WDR89: variants seen among roughly 807,000 people sequenced by gnomAD.
WDR89 encodes WD repeat-containing protein 89.
WDR89 carries 17 observed loss-of-function variants against 29.1 expected under a neutral mutation model. The ratio of observed to expected loss-of-function variants is 0.58; its 90% CI spans 0.40 to 0.88. The LOEUF is 0.88. Ranked by LOEUF, WDR89 falls within the 40% of genes least tolerant of loss-of-function variation. The probability of loss-of-function intolerance (pLI) is 0.00; values close to 1 mark genes in which losing one functional copy is unlikely to be tolerated. For missense variants in WDR89, 396 were observed against 456.3 expected (o/e 0.87, Z 1.20); for synonymous variants, 138 against 157.8 (o/e 0.87, Z 0.94).
intron 2 of WDR89, 75 bp from the exon 3 acceptor site, chr14:63,600,048 G>T (rs1209455097): frequency 3.3e-6 from 3 of 910,230 alleles, no homozygotes; most frequent in Non-Finnish European, 4.5e-6. Flanking sequence ...TTAACTTGAA[G>T]TTTCTCTAAA....
intron 2 of WDR89, among the ~76,000 whole-genome samples, chr14:63,611,266 G>A (rs1264968893): frequency 6.6e-6 from 1 of 150,580 alleles, no homozygotes; most frequent in Non-Finnish European, 1.5e-5. Flanking sequence ...GAACCCAGGA[G>A]GCGGAGGTTG....
At chr14:63,641,736 G>C (rs8018382) in intron 1 of WDR89, 68 bp downstream of exon 1, 17,278 of 152,770 alleles carry the variant, frequency 0.11, 2,253 homozygotes, top group African/African-American at 0.32. Flanking sequence ...ACTCAACCAC[G>C]GCGTCGCCGC....
At chr14:63,605,152 GTC>G (rs746030363) in intron 2 of WDR89, among the ~76,000 whole-genome samples, 3,856 of 137,778 alleles carry the variant, frequency 0.028, 151 homozygotes, top group African/African-American at 0.11. Flanking sequence ...CGTGCTGTCT[GTC>G]TCTCTCTCTC....
chr14:63,628,660 A>G (rs1883215979), intron 1 of WDR89, among the ~76,000 whole-genome samples: 1 of 152,172 alleles, frequency 6.6e-6, no homozygotes, highest in Non-Finnish European at 1.5e-5. Flanking sequence ...AGAAAAAGAA[A>G]AAAATAATAA....
chr14:63,625,778 T>TA (rs1204033099), intron 1 of WDR89, among the ~76,000 whole-genome samples: 1 of 152,090 alleles, frequency 6.6e-6, no homozygotes, highest in Non-Finnish European at 1.5e-5. Context: ...AGTGCTATTT[T>TA]AACTGCTCAT....
chr14:63,599,598 G>A lies in WDR89; in HGVS notation c.345C>T (p.Ser115=), dbSNP rs750821533. ...KPVQLFKGYP[S]NIFISFDINC... is the part of the protein sequence containing the mutation. ...TAATATCAAAACTGATAAAAATATT[G>A]GAAGGGTAACCCTTGAAGAGCTGAA... is the stretch of plus-strand genomic sequence containing the variant. Residue 115 remains serine, a synonymous_variant, in exon 3 of 3, where the codon TCC becomes TCT. Transcript: ENST00000620954. The A allele has an allele frequency of 7.4e-6, 12 of 1,613,922 alleles. No individual in the cohort carries two copies. In the South Asian group the frequency reaches 1.2e-4, roughly 16 times the overall value.
chr14:63,598,713 TGG>T lies in WDR89; in HGVS notation c.*64_*65del. ...CATAAAGCTTTAAACATGTCTACCA[TGG>T]GTAGTAAACAAGAAGGACTATTTGA... is the stretch of plus-strand genomic sequence containing the variant. On this transcript the variant is annotated 3_prime_UTR_variant, in exon 3 of 3. Transcript: ENST00000620954. The T allele has an allele frequency of 7.2e-7, 1 of 1,382,464 alleles. No homozygotes were observed. The highest frequency in any genetic ancestry group is 9.7e-7 in the Non-Finnish European group (1 of 1,035,986). The allele number at this position is 1,382,464 out of a possible 1,614,324, so 85.6% of individuals were successfully genotyped here.
chr14:63,635,716 T>A (rs781688866), intron 1 of WDR89, among the ~76,000 whole-genome samples: 4 of 152,174 alleles, frequency 2.6e-5, no homozygotes, highest in Non-Finnish European at 5.9e-5. Context: ...CATGGTCAAT[T>A]ACCTTGAAAA....
rs1416039138 is a variant in WDR89 at position 63,599,581 on chromosome 14, A to C, written c.362T>G (p.Phe121Cys). Residue 121 changes from phenylalanine to cysteine, a missense_variant, in exon 3 of 3, where the codon TTT becomes TGT. Phe to Cys is a radical substitution (Grantham distance 205, BLOSUM62 -2). Coordinates refer to ENST00000620954, the MANE Select transcript of WDR89 (RefSeq NM_080666.4). ...AATATGATCATTACAATTAATATCA[A>C]AACTGATAAAAATATTGGAAGGGTA... ...KGYPSNIFIS[F>C]DINCNDHIIC... 1.2e-6 allele frequency: 2 copies of C among 1,614,134 alleles called. No homozygotes were observed. Among genetic ancestry groups the C allele is most frequent in the South Asian group, 2.2e-5 (2 of 91,080 alleles).
At chr14:63,641,602 A>G (rs1410093847) in intron 1 of WDR89, among the ~76,000 whole-genome samples, 2 of 152,280 alleles carry the variant, frequency 1.3e-5, no homozygotes, top group African/African-American at 2.4e-5. Context: ...GGCCAGGGCC[A>G]GCACAGGTTT....
intron 2 of WDR89, among the ~76,000 whole-genome samples, chr14:63,619,186 G>A (rs1358480622): frequency 6.6e-6 from 1 of 152,186 alleles, no homozygotes; most frequent in Middle Eastern, 3.2e-3. Flanking sequence ...CAGCAACAAG[G>A]AGAAAACTCT....
chr14:63,599,432 C>G lies in WDR89; in HGVS notation c.511G>C (p.Asp171His). 5 of 1,614,158 alleles carry G rather than the reference C, an allele frequency of 3.1e-6. No homozygotes were observed. The highest frequency in any genetic ancestry group is 4.2e-6 in the Non-Finnish European group (5 of 1,180,018). The change falls in exon 3 of 3, where the codon GAT becomes CAT. Residue 171 changes from aspartate (D) to histidine (H), a missense_variant. Asp to His is a moderately conservative substitution (Grantham distance 81). Coordinates refer to ENST00000620954, the MANE Select transcript of WDR89 (RefSeq NM_080666.4). ...SLGAYSETHS[D>H]DVTQVRFHPS... ...TGGAAACGTACTTGAGTGACATCAT[C>G]ACTATGTGTCTCTGAATATGCACCA... is the stretch of plus-strand genomic sequence containing the variant.
At position 63,640,323 on chromosome 14, in the gene WDR89, C is replaced by CT. The variant is rs373757060; in HGVS notation, c.-138+1480dup. The stretch of plus-strand genomic sequence containing the variant: ...ATTAAATTATTTAATCCTCAGAACT[C>CT]TAAGTAGTCAAGTTTGGTATTTATT... On this transcript the variant is annotated intron_variant, in intron 1 of 2. Coordinates refer to ENST00000620954, the MANE Select transcript of WDR89 (RefSeq NM_080666.4). 1.7e-4 allele frequency among the ~76,000 whole-genome samples: 26 copies of CT among 152,222 alleles called. 1 individual carries two copies. In the East Asian group the frequency reaches 4.6e-3, roughly 27 times the overall value.
intron 2 of WDR89, among the ~76,000 whole-genome samples, chr14:63,605,970 G>A (rs1895302550): frequency 6.6e-6 from 1 of 151,776 alleles, no homozygotes; most frequent in African/African-American, 2.4e-5. Context: ...GATCCTGACC[G>A]TGTGTGGGCC....
At chr14:63,606,524 A>G (rs1042938832) in intron 2 of WDR89, among the ~76,000 whole-genome samples, 2 of 152,200 alleles carry the variant, frequency 1.3e-5, no homozygotes, top group Admixed American at 6.5e-5. Flanking sequence ...CCATTGTGTT[A>G]CAACTGCTTA....
In WDR89 at chr14:63,598,130, T is replaced by C. The variant is rs988627522; in HGVS notation, c.*649A>G. 6.6e-6 allele frequency: 1 copy of C among 152,192 alleles called. No homozygotes were observed. The highest frequency in any genetic ancestry group is 1.5e-5 in the Non-Finnish European group (1 of 68,036). 9.4% of individuals were successfully genotyped at this position (152,192 alleles called of 1,614,324 possible). ...TATTATAAATATTTTCATTTTTGTA[T>C]TTCACTTTGAGTCTCAATTTACCAA... On this transcript the variant is annotated 3_prime_UTR_variant, in exon 3 of 3. Transcript: ENST00000620954.
intron 1 of WDR89, among the ~76,000 whole-genome samples, chr14:63,628,930 C>T (rs1281308834): frequency 6.6e-6 from 1 of 150,724 alleles, no homozygotes; most frequent in Non-Finnish European, 1.5e-5. Flanking sequence ...CAATGTGAGA[C>T]CCTGTCTCAA....
rs1259284332 is a variant in WDR89, at chr14:63,597,428, T to C, written c.*1351A>G. 1 of 152,224 alleles carries C rather than the reference T, an allele frequency of 6.6e-6. No homozygotes were observed. Among genetic ancestry groups the C allele is most frequent in the Non-Finnish European group, 1.5e-5 (1 of 68,040 alleles). 9.4% of individuals were successfully genotyped at this position (152,224 alleles called of 1,614,324 possible). ...ATTTCTTTTTTAACTTTTTTCACTT[T>C]CTAAAACTGTTAGTCTGGTTTTGAC... On this transcript the variant is annotated 3_prime_UTR_variant, in exon 3 of 3. Transcript: ENST00000620954.
chr14:63,626,419 C>T (rs1183447445), intron 1 of WDR89, among the ~76,000 whole-genome samples: 1 of 151,664 alleles, frequency 6.6e-6, no homozygotes, highest in Non-Finnish European at 1.5e-5. Context: ...GCCTGTAATC[C>T]CAGCGCTTTG....
Sources: gnomAD v4.1 joint callset for allele counts (sites outside exome capture counted in the v4.1 genomes callset) on GRCh38, gnomAD v4.1.1 for gene constraint, MANE v1.5 for transcripts, NCBI Gene and HGNC (gene_info 2026-07-23, HGNC 2026-07-21) for gene names.